Variants in CNTNAP5 observed in about 807,000 individuals in gnomAD.
CNTNAP5 encodes contactin-associated protein-like 5.
Under a neutral mutation model 150.2 loss-of-function variants are expected in CNTNAP5, and 72 were observed. That is an observed-to-expected ratio of 0.48 (90% confidence interval 0.40 to 0.58). The LOEUF is 0.58. Ranked by LOEUF, CNTNAP5 falls within the 20% of genes least tolerant of loss-of-function variation. The pLI is 0.00. For missense variants in CNTNAP5, 1,636 were observed against 1,626.2 expected (o/e 1.01, Z -0.10); for synonymous variants, 672 against 619.8 (o/e 1.08, Z -1.25).
intron 11 of CNTNAP5, among the ~76,000 whole-genome samples, chr2:124,592,192 T>A (rs1310376251): frequency 6.6e-6 from 1 of 152,128 alleles, no homozygotes; most frequent in East Asian, 1.9e-4. Context: ...TATGGAAACA[T>A]CTTTTTTCCC....
intron 7 of CNTNAP5, among the ~76,000 whole-genome samples, chr2:124,484,977 G>A (rs756932059): frequency 6.6e-6 from 1 of 152,116 alleles, no homozygotes; most frequent in Non-Finnish European, 1.5e-5. Context: ...TCACCAGGAC[G>A]CCTAGTAAGT....
intron 19 of CNTNAP5, among the ~76,000 whole-genome samples, chr2:124,845,190 G>A (rs1205771638): frequency 6.6e-6 from 1 of 151,952 alleles, no homozygotes; most frequent in African/African-American, 2.4e-5. Context: ...ATCATAAAGT[G>A]ATACTGGTTT....
rs182629442 is a variant in CNTNAP5 at position 124,098,312 on chromosome 2, C to T, written c.82+72580C>T. 2.5e-3 allele frequency among the ~76,000 whole-genome samples: 378 copies of T among 152,184 alleles called. 1 individual carries two copies. Among genetic ancestry groups the T allele is most frequent in the African/African-American group, 8.6e-3 (355 of 41,508 alleles). ...GGTCCTCATCCTCATTGTTTTCATG[C>T]TGAGTAGGCTTAGAAGGAAGAGGGG... On this transcript the variant is annotated intron_variant, in intron 1 of 23. Coordinates refer to ENST00000682447, the MANE Select transcript of CNTNAP5 (RefSeq NM_001367498.1).
chr2:124,483,560 G>A (rs550840049), intron 7 of CNTNAP5, among the ~76,000 whole-genome samples: 1 of 152,144 alleles, frequency 6.6e-6, no homozygotes, highest in Admixed American at 6.5e-5. Flanking sequence ...GGGCAGTGGG[G>A]AGTGTTGAAT....
At chr2:124,171,245 G>A (rs557786642) in intron 1 of CNTNAP5, among the ~76,000 whole-genome samples, 1 of 152,272 alleles carries the variant, frequency 6.6e-6, no homozygotes, top group Non-Finnish European at 1.5e-5. Flanking sequence ...GCCGGAAGCT[G>A]CTTCGTGTCC....
intron 1 of CNTNAP5, among the ~76,000 whole-genome samples, chr2:124,033,712 C>T (rs1022002626): frequency 1.3e-5 from 2 of 152,158 alleles, no homozygotes; most frequent in Non-Finnish European, 2.9e-5. Context: ...CTGGGAAGGC[C>T]CCTTGATTGC....
intron 13 of CNTNAP5, among the ~76,000 whole-genome samples, chr2:124,741,973 C>T (rs1266069094): frequency 1.3e-5 from 2 of 152,076 alleles, no homozygotes; most frequent in African/African-American, 4.8e-5. Flanking sequence ...GTTTATGATG[C>T]ATTATCCTGT....
chr2:124,211,087 T>A (rs1685998427), intron 1 of CNTNAP5, among the ~76,000 whole-genome samples: 1 of 152,158 alleles, frequency 6.6e-6, no homozygotes, highest in Non-Finnish European at 1.5e-5. Context: ...GTATACTATG[T>A]TTGGTCTTGG....
At chr2:124,905,412 G>A (rs1678515679) in intron 22 of CNTNAP5, among the ~76,000 whole-genome samples, 1 of 152,010 alleles carries the variant, frequency 6.6e-6, no homozygotes, top group African/African-American at 2.4e-5. Context: ...TCCTATTTCT[G>A]AATATGTAAC....
intron 13 of CNTNAP5, among the ~76,000 whole-genome samples, chr2:124,727,426 A>G (rs1015352226): frequency 6.6e-6 from 1 of 151,990 alleles, no homozygotes; most frequent in Non-Finnish European, 1.5e-5. Context: ...CATTTTAGCA[A>G]TATTAACTCA....
intron 19 of CNTNAP5, among the ~76,000 whole-genome samples, chr2:124,852,646 T>C (rs1443851733): frequency 6.6e-6 from 1 of 152,170 alleles, no homozygotes; most frequent in African/African-American, 2.4e-5. Context: ...GACTGCTGTG[T>C]AGGGAATGGA....
intron 13 of CNTNAP5, among the ~76,000 whole-genome samples, chr2:124,716,769 A>G (rs1196073006): frequency 6.6e-6 from 1 of 152,128 alleles, no homozygotes; most frequent in Non-Finnish European, 1.5e-5. Flanking sequence ...TGATTAGGTG[A>G]TAGATTTTTC....
intron 1 of CNTNAP5, among the ~76,000 whole-genome samples, chr2:124,139,329 G>T (rs1312093175): frequency 2.6e-5 from 4 of 151,612 alleles, no homozygotes; most frequent in South Asian, 4.2e-4. Flanking sequence ...CTCTCAAGAT[G>T]TTATCTGATC....
intron 17 of CNTNAP5, among the ~76,000 whole-genome samples, chr2:124,786,390 AGAAAGAAAGAAG>A (rs1446644550): frequency 4.7e-3 from 354 of 74,636 alleles, no homozygotes; most frequent in Non-Finnish European, 6.0e-3. Context: ...AAAGAAAGAA[AGAAAGAAAGAAG>A]GAAGGAAGGA....
chr2:124,135,553 A>C (rs1329397624), intron 1 of CNTNAP5, among the ~76,000 whole-genome samples: 1 of 152,218 alleles, frequency 6.6e-6, no homozygotes, highest in Non-Finnish European at 1.5e-5. Context: ...TGCTCATAAG[A>C]AGAACTTACA....
chr2:124,353,880 C>G (rs1473517591), intron 3 of CNTNAP5, among the ~76,000 whole-genome samples: 2 of 152,160 alleles, frequency 1.3e-5, no homozygotes, highest in Middle Eastern at 3.2e-3. Flanking sequence ...CAGGTCAGAT[C>G]ACATTTCAGT....
rs748304094 is a variant in CNTNAP5, at chr2:124,798,175, C to T, written c.3072C>T (p.Ser1024=). 1 of 1,611,320 alleles carries T rather than the reference C, an allele frequency of 6.2e-7. No homozygotes were observed. The highest frequency in any genetic ancestry group is 8.5e-7 in the Non-Finnish European group (1 of 1,177,594). The change falls in exon 19 of 24, where the codon AGC becomes AGT. Residue 1024 remains serine (S), a synonymous_variant. Transcript: ENST00000682447. ...QEPYPVTKNI[S]LSSSAIYTDS... ...CCTATCCTGTGACCAAGAATATAAG[C>T]CTCTCATCCTCAGCTATTTACACAG...
intron 3 of CNTNAP5, among the ~76,000 whole-genome samples, chr2:124,246,242 G>C (rs1361971044): frequency 6.6e-6 from 1 of 152,032 alleles, no homozygotes; most frequent in East Asian, 1.9e-4. Flanking sequence ...AATCCTAAAA[G>C]GATACCTTTG....
intron 4 of CNTNAP5, among the ~76,000 whole-genome samples, chr2:124,434,161 C>G (rs1692463997): frequency 6.6e-6 from 1 of 152,196 alleles, no homozygotes; most frequent in South Asian, 2.1e-4. Flanking sequence ...TCTAAGCCAT[C>G]TGACATAGTA....
Sources: gnomAD v4.1 joint callset for allele counts (sites outside exome capture counted in the v4.1 genomes callset) on GRCh38, gnomAD v4.1.1 for gene constraint, MANE v1.5 for transcripts, NCBI Gene and HGNC (gene_info 2026-07-23, HGNC 2026-07-21) for gene names.